The following NOTCH2 variants were observed in gnomAD, a reference collection of about 807,000 sequenced individuals.
NOTCH2 encodes the protein neurogenic locus notch homolog protein 2.
In NOTCH2, 29 loss-of-function variants were observed where a neutral mutation model predicts 235.8. The observed-to-expected ratio is 0.12, with a 90% CI of 0.09 to 0.17. The LOEUF is 0.17. Ranked by LOEUF, NOTCH2 falls within the 10% of genes least tolerant of loss-of-function variation. NOTCH2 has a pLI of 1.00. For missense variants in NOTCH2, 2,285 were observed against 3,150.2 expected (o/e 0.73, Z 6.57); for synonymous variants, 1,086 against 1,141.5 (o/e 0.95, Z 0.98).
chr1:119,968,312 G>GA lies in NOTCH2; in HGVS notation c.1109-81dup, dbSNP rs587608977. The GA allele has an allele frequency of 3.8e-4, 549 of 1,427,994 alleles. 3 individuals are homozygous for GA. The East Asian group carries it at 0.011, about 28-fold the overall frequency. The allele number at this position is 1,427,994 out of a possible 1,614,324, so 88.5% of individuals were successfully genotyped here. ...AGAGCTTTCTCTTTCACCCAGGAGG[G>GA]AAAACCTCATGATCAGTTCCTCAGA... On this transcript the variant is annotated intron_variant, in intron 6 of 33. Transcript: ENST00000256646.
intron 12 of NOTCH2, among the ~76,000 whole-genome samples, chr1:119,957,829 A>AACTCAC (rs1650762263): frequency 8.6e-6 from 1 of 116,438 alleles, no homozygotes; most frequent in Admixed American, 9.3e-5. Context: ...GCCTTATATA[A>AACTCAC]ACACACACAC....
intron 15 of NOTCH2, among the ~76,000 whole-genome samples, 170 bp from the exon 16 acceptor site, chr1:119,949,296 A>G (rs587618610): frequency 1.3e-5 from 2 of 151,988 alleles, no homozygotes; most frequent in African/African-American, 4.8e-5. Context: ...TTAACTGTGT[A>G]ACCTTGGGCA....
intron 7 of NOTCH2, 92 bp from the exon 8 acceptor site, chr1:119,967,713 G>A: frequency 9.1e-7 from 1 of 1,104,098 alleles, no homozygotes; most frequent in Non-Finnish European, 1.4e-6. Context: ...TATAGCATCA[G>A]GGCCAGGCCT....
At chr1:119,934,614 T>C (rs1553195522) in intron 22 of NOTCH2, among the ~76,000 whole-genome samples, 1 of 152,254 alleles carries the variant, frequency 6.6e-6, no homozygotes, top group African/African-American at 2.4e-5. Flanking sequence ...CCTATTTTAA[T>C]TTAGTCAAAC....
chr1:119,950,685 G>C, intron 15 of NOTCH2, 39 bp downstream of exon 15: 2 of 1,311,076 alleles, frequency 1.5e-6, no homozygotes, highest in Non-Finnish European at 2.2e-6. Flanking sequence ...GCAAGGTCAA[G>C]TATCCCCTCT....
chr1:120,014,257 T>C (rs6683853), intron 2 of NOTCH2, among the ~76,000 whole-genome samples: 2,711 of 151,804 alleles, frequency 0.018, 44 homozygotes, highest in African/African-American at 0.06. Flanking sequence ...TAAAGATGTA[T>C]TTATGACTTT....
chr1:119,928,502 G>A (rs1422474914), intron 23 of NOTCH2, among the ~76,000 whole-genome samples: 1 of 152,166 alleles, frequency 6.6e-6, no homozygotes, highest in Non-Finnish European at 1.5e-5. Flanking sequence ...GGAGTTAGAC[G>A]TAAGGTTCCT....
intron 5 of NOTCH2, among the ~76,000 whole-genome samples, 191 bp from the exon 6 acceptor site, chr1:119,969,935 T>A (rs1553200187): frequency 6.6e-6 from 1 of 152,104 alleles, no homozygotes; most frequent in East Asian, 1.9e-4. Flanking sequence ...TCCAGGCAAA[T>A]CGTTTCAAGA....
At chr1:119,961,816 G>A (rs587707847) in intron 11 of NOTCH2, among the ~76,000 whole-genome samples, 2 of 152,240 alleles carry the variant, frequency 1.3e-5, no homozygotes, top group African/African-American at 4.8e-5. Context: ...CTGACAAACT[G>A]TAAAATATTT....
chr1:120,029,299 G>A (rs1653999360), intron 2 of NOTCH2, among the ~76,000 whole-genome samples: 1 of 151,578 alleles, frequency 6.6e-6, no homozygotes. Context: ...GACTCTAAGA[G>A]TATGCCTTAA....
intron 1 of NOTCH2, among the ~76,000 whole-genome samples, chr1:120,067,237 G>C (rs1449959745): frequency 7.1e-6 from 1 of 140,874 alleles, no homozygotes; most frequent in Non-Finnish European, 1.5e-5. Flanking sequence ...TTTGTACCGA[G>C]AAACGGCTTC....
At chr1:119,987,262 T>C (rs1652056178) in intron 4 of NOTCH2, among the ~76,000 whole-genome samples, 180 bp from the exon 5 acceptor site, 1 of 152,184 alleles carries the variant, frequency 6.6e-6, no homozygotes, top group Admixed American at 6.6e-5. Context: ...GCCTCAAGCA[T>C]AGCTAGACAG....
Position 119,915,673 on chromosome 1 carries a change from C to T in NOTCH2, c.7049G>A (p.Ser2350Asn), listed in dbSNP as rs771816232. Reference protein sequence around the residue: ...YQIPEMARLPSVAFPTAMMPQ... With the variant: ...YQIPEMARLPNVAFPTAMMPQ... ...CATCATGGCAGTGGGGAAAGCCACA[C>T]TGGGCAAACGGGCCATTTCTGGAAT... Residue 2350 changes from serine to asparagine, a missense_variant, in exon 34 of 34, where the codon AGT (serine) becomes AAT (asparagine). This residue lies in a region of NOTCH2 where 504 missense variants were observed against 538.0 expected (regional missense o/e 0.94). Transcript: ENST00000256646. 1.5e-5 allele frequency: 24 copies of T among 1,613,558 alleles called. No individual in the cohort carries two copies. Among genetic ancestry groups the T allele is most frequent in the Non-Finnish European group, 1.9e-5 (23 of 1,179,716 alleles).
rs150785478 is a variant in NOTCH2 at position 119,915,582 on chromosome 1, C to G, written c.7140G>C (p.Val2380=). 7.6e-5 allele frequency: 122 copies of G among 1,614,010 alleles called. 2 individuals are homozygous for G. The Admixed American group carries it at 1.6e-3, about 22-fold the overall frequency. The change falls in exon 34 of 34, where the codon GTG becomes GTC. Residue 2380 remains valine (V), a synonymous_variant. Coordinates refer to ENST00000256646, the MANE Select transcript of NOTCH2 (RefSeq NM_024408.4). ...LPAYHPFPAS[V]GKYPTPPSQH... The stretch of plus-strand genomic sequence containing the variant: ...GTGAAGGGGGTGTGGGGTACTTGCC[C>G]ACAGAGGCTGGGAAAGGATGATAGG...
chr1:119,932,565 C>CAA (rs1162738620), intron 22 of NOTCH2, among the ~76,000 whole-genome samples: 9 of 152,156 alleles, frequency 5.9e-5, no homozygotes, highest in Non-Finnish European at 1.3e-4. Context: ...CCAGCCTGGG[C>CAA]AACAAGAGCA....
chr1:120,066,257 C>T (rs1319097416), intron 1 of NOTCH2, among the ~76,000 whole-genome samples: 1 of 151,198 alleles, frequency 6.6e-6, no homozygotes, highest in Non-Finnish European at 1.5e-5. Flanking sequence ...TTTAGAAAGA[C>T]CTCATACACA....
intron 4 of NOTCH2, among the ~76,000 whole-genome samples, chr1:119,989,190 A>G (rs1016241680): frequency 1.1e-4 from 16 of 152,212 alleles, no homozygotes; most frequent in African/African-American, 3.6e-4. Flanking sequence ...TTCTTGGGGA[A>G]TTAACAGGAC....
chr1:119,917,988 T>C lies in NOTCH2; in HGVS notation c.5930-226A>G, dbSNP rs587669592. Among the ~76,000 whole-genome samples, 6 of 152,314 alleles carry C rather than the reference T, an allele frequency of 3.9e-5. No individual in the cohort carries two copies. The South Asian group carries it at 1.2e-3, about 32-fold the overall frequency. ...GACCTCTAGGTGAAAGGATCACTTG[T>C]ATGAGGCATTCATGTCCCCTACATG... On this transcript the variant is annotated intron_variant, in intron 32 of 33. Coordinates refer to ENST00000256646, the MANE Select transcript of NOTCH2 (RefSeq NM_024408.4).
chr1:119,952,835 A>T (rs1417104027), intron 14 of NOTCH2, among the ~76,000 whole-genome samples: 5 of 152,228 alleles, frequency 3.3e-5, no homozygotes, highest in Admixed American at 2.0e-4. Context: ...TTGTTGAAAG[A>T]GTTCTGAACA....
Sources: gnomAD v4.1 joint callset for allele counts (sites outside exome capture counted in the v4.1 genomes callset) on GRCh38, gnomAD v4.1.1 for gene constraint, gnomAD v4.1.1 regional missense constraint, MANE v1.5 for transcripts, NCBI Gene and HGNC (gene_info 2026-07-23, HGNC 2026-07-21) for gene names.